Variants in TACR3 observed in about 807,000 individuals in gnomAD.
The protein encoded by TACR3 is neuromedin-K receptor.
A neutral mutation model predicts 35.0 loss-of-function variants in TACR3; 34 were observed. The ratio of observed to expected loss-of-function variants is 0.97; its 90% confidence interval spans 0.74 to 1.30. The LOEUF (loss-of-function observed/expected upper bound fraction) is 1.30, where lower values mean the gene tolerates loss of function less well. Among genes scored for constraint, TACR3 ranks in the 50% most tolerant of loss-of-function variants. The pLI is 0.00. For synonymous variants in TACR3, 233 were observed against 221.1 expected, an observed-to-expected ratio of 1.05 and a Z score of -0.48; for missense variants, 558 against 591.7, an observed-to-expected ratio of 0.94 and a Z score of 0.59.
At chr4:103,595,073 C>T (rs1052616982) in intron 3 of TACR3, among the ~76,000 whole-genome samples, 1 of 152,044 alleles carries the variant, frequency 6.6e-6, no homozygotes, top group African/African-American at 2.4e-5. Context: ...ACTGAAATCA[C>T]CCTCCTGATA....
chr4:103,702,215 A>T (rs1722667877), intron 1 of TACR3, among the ~76,000 whole-genome samples: 1 of 152,202 alleles, frequency 6.6e-6, no homozygotes, highest in Non-Finnish European at 1.5e-5. Context: ...AAAAAAACAA[A>T]CAACCCCATC....
intron 1 of TACR3, among the ~76,000 whole-genome samples, chr4:103,712,614 A>G (rs924772819): frequency 2.0e-5 from 3 of 152,208 alleles, no homozygotes; most frequent in Non-Finnish European, 4.4e-5. Flanking sequence ...AAAAGGCAAA[A>G]TTGACAAATG....
At chr4:103,661,953 C>T (rs1010682443) in intron 1 of TACR3, among the ~76,000 whole-genome samples, 18 of 152,130 alleles carry the variant, frequency 1.2e-4, no homozygotes, top group Admixed American at 9.2e-4. Flanking sequence ...TTGTGAAGTC[C>T]ATACCATTTG....
At chr4:103,598,355 C>G (rs1255998336) in intron 3 of TACR3, among the ~76,000 whole-genome samples, 2 of 151,968 alleles carry the variant, frequency 1.3e-5, no homozygotes, top group African/African-American at 2.4e-5. Context: ...GGATATTAGC[C>G]CTTTGTCAGA....
intron 1 of TACR3, among the ~76,000 whole-genome samples, chr4:103,681,891 A>G (rs1326303543): frequency 1.3e-5 from 2 of 152,180 alleles, no homozygotes; most frequent in East Asian, 1.9e-4. Context: ...GCAAAAAATT[A>G]AAACAAATAT....
intron 3 of TACR3, among the ~76,000 whole-genome samples, chr4:103,609,103 G>A (rs552281485): frequency 5.4e-4 from 82 of 152,228 alleles, no homozygotes; most frequent in African/African-American, 1.8e-3. Flanking sequence ...CCAAAAATAT[G>A]AAGTGTGTAA....
chr4:103,652,034 TGAGCCC>T (rs1725631110), intron 3 of TACR3, among the ~76,000 whole-genome samples: 2 of 152,066 alleles, frequency 1.3e-5, no homozygotes, highest in Admixed American at 6.6e-5. Flanking sequence ...TTTGAACCCA[TGAGCCC>T]TGCTGCCTGG....
intron 1 of TACR3, among the ~76,000 whole-genome samples, chr4:103,707,590 G>A (rs997897218): frequency 6.6e-6 from 1 of 152,176 alleles, no homozygotes; most frequent in African/African-American, 2.4e-5. Context: ...CAGAAGATGG[G>A]TGATTTCTGC....
At chr4:103,630,737 T>C (rs1207108555) in intron 3 of TACR3, among the ~76,000 whole-genome samples, 9 of 152,012 alleles carry the variant, frequency 5.9e-5, no homozygotes, top group African/African-American at 2.2e-4. Flanking sequence ...TTGGTGGGAG[T>C]GTAAATTAGT....
intron 3 of TACR3, among the ~76,000 whole-genome samples, chr4:103,621,319 G>A (rs959281247): frequency 6.6e-6 from 1 of 152,158 alleles, no homozygotes; most frequent in African/African-American, 2.4e-5. Context: ...GTACTACAAG[G>A]TATGCTGATG....
At chr4:103,701,576 G>A (rs139609009) in intron 1 of TACR3, among the ~76,000 whole-genome samples, 9 of 152,154 alleles carry the variant, frequency 5.9e-5, no homozygotes, top group Non-Finnish European at 1.0e-4. Context: ...AACCAAAAAA[G>A]AGCCCGCATT....
At chr4:103,678,291 C>G (rs1361034683) in intron 1 of TACR3, among the ~76,000 whole-genome samples, 2 of 151,970 alleles carry the variant, frequency 1.3e-5, no homozygotes, top group Non-Finnish European at 2.9e-5. Flanking sequence ...TGTGGCAGTG[C>G]CAGTGTATTC....
At chr4:103,690,069 A>G (rs1722365866) in intron 1 of TACR3, among the ~76,000 whole-genome samples, 1 of 152,168 alleles carries the variant, frequency 6.6e-6, no homozygotes, top group Admixed American at 6.5e-5. Context: ...GGAATATTAA[A>G]AGTGTAAAAG....
Position 103,705,968 on chromosome 4 carries a change from A to T in TACR3, c.548+13160T>A, listed in dbSNP as rs574294898. On this transcript the variant is annotated intron_variant, in intron 1 of 4. Transcript: ENST00000304883. ...TTCTCATGTATGTTTTGAAAACATAATTCTGTGTTGCAATATGAACACATT... is the reference window on the plus strand; with the variant it reads ...TTCTCATGTATGTTTTGAAAACATATTTCTGTGTTGCAATATGAACACATT... Among the ~76,000 whole-genome samples, 22 of 152,302 alleles carry T rather than the reference A, an allele frequency of 1.4e-4. No individual in the cohort carries two copies. In the South Asian group the frequency reaches 3.9e-3, roughly 27 times the overall value.
At chr4:103,603,491 G>T (rs200900183) in intron 3 of TACR3, among the ~76,000 whole-genome samples, 5 of 152,172 alleles carry the variant, frequency 3.3e-5, no homozygotes, top group Admixed American at 1.3e-4. Flanking sequence ...CGTTGCTCAC[G>T]CTGGGCGAAC....
chr4:103,596,585 G>A (rs994963614), intron 3 of TACR3, among the ~76,000 whole-genome samples: 2 of 151,982 alleles, frequency 1.3e-5, no homozygotes, highest in Non-Finnish European at 2.9e-5. Context: ...TGCTTGTTTT[G>A]ATTAGAATCC....
intron 3 of TACR3, among the ~76,000 whole-genome samples, chr4:103,606,527 A>T (rs2110294659): frequency 6.6e-6 from 1 of 152,104 alleles, no homozygotes; most frequent in South Asian, 2.1e-4. Flanking sequence ...GTTCTCCTTG[A>T]AGAGCTCCTT....
At chr4:103,631,564 T>C (rs1725067790) in intron 3 of TACR3, among the ~76,000 whole-genome samples, 1 of 152,186 alleles carries the variant, frequency 6.6e-6, no homozygotes, top group Non-Finnish European at 1.5e-5. Flanking sequence ...AGGGAATTAA[T>C]ATAGTCCTGA....
chr4:103,703,562 A>G (rs1420277489), intron 1 of TACR3, among the ~76,000 whole-genome samples: 1 of 152,188 alleles, frequency 6.6e-6, no homozygotes, highest in Non-Finnish European at 1.5e-5. Flanking sequence ...TGAGTCTAGA[A>G]TTAGATTAAG....
Sources: allele counts gnomAD v4.1 joint callset (sites outside exome capture counted in the v4.1 genomes callset), GRCh38; gene constraint gnomAD v4.1.1; transcripts MANE v1.5; gene names NCBI Gene and HGNC (gene_info 2026-07-23, HGNC 2026-07-21).